PTPRA: variants seen among roughly 807,000 people sequenced by gnomAD.
PTPRA encodes the protein receptor-type tyrosine-protein phosphatase alpha.
In PTPRA, 25 loss-of-function variants were observed where a neutral mutation model predicts 104.8. That is an observed-to-expected ratio of 0.24 (90% CI 0.17 to 0.33). The LOEUF is 0.33. Ranked by LOEUF, PTPRA falls within the 10% of genes least tolerant of loss-of-function variation. PTPRA has a pLI of 1.00. For synonymous variants in PTPRA, 323 were observed against 368.9 expected, an observed-to-expected ratio of 0.88 and a Z score of 1.43; for missense variants, 765 against 1,015.3, an observed-to-expected ratio of 0.75 and a Z score of 3.35.
chr20:2,953,440 A>G (rs2061420864), intron 3 of PTPRA, among the ~76,000 whole-genome samples: 1 of 151,440 alleles, frequency 6.6e-6, no homozygotes, highest in African/African-American at 2.4e-5. Context: ...TTTTTAGTAG[A>G]GGTGGGGTTT....
chr20:2,871,589 G>A (rs1193105026), upstream of PTPRA, among the ~76,000 whole-genome samples: 1 of 152,206 alleles, frequency 6.6e-6, no homozygotes, highest in Non-Finnish European at 1.5e-5. Flanking sequence ...AAAGTAAGCT[G>A]GTGGGGTTTG....
At chr20:2,920,900 A>C (rs1214090945) in intron 1 of PTPRA, among the ~76,000 whole-genome samples, 1 of 152,180 alleles carries the variant, frequency 6.6e-6, no homozygotes, top group South Asian at 2.1e-4. Flanking sequence ...ACTCAGAAAG[A>C]AAGCCTGGAA....
At chr20:3,012,176 T>G (rs913686675) in intron 11 of PTPRA, among the ~76,000 whole-genome samples, 1 of 152,228 alleles carries the variant, frequency 6.6e-6, no homozygotes. Flanking sequence ...GATGAATTTA[T>G]CTAGGCCGTG....
intron 6 of PTPRA, among the ~76,000 whole-genome samples, chr20:2,979,700 G>GT (rs1341018182): frequency 6.6e-6 from 1 of 151,684 alleles, no homozygotes; most frequent in Non-Finnish European, 1.5e-5. Context: ...CTAATCAGGT[G>GT]TTTGTTTGTT....
At chr20:2,910,001 T>C (rs2059595919) in intron 1 of PTPRA, among the ~76,000 whole-genome samples, 3 of 64,324 alleles carry the variant, frequency 4.7e-5, no homozygotes, top group South Asian at 1.3e-3. Context: ...ATATATAATC[T>C]ATCATATATC....
At chr20:2,866,400 A>G in the PTPRA span, 5 of 1,613,970 alleles carry the variant, frequency 3.1e-6, no homozygotes, top group Middle Eastern at 3.3e-4. Context: ...AGCAGCCCCA[A>G]CACCACCTCC....
intron 1 of PTPRA, among the ~76,000 whole-genome samples, chr20:2,908,551 C>T (rs1156847720): frequency 2.0e-5 from 3 of 152,044 alleles, no homozygotes; most frequent in African/African-American, 7.2e-5. Context: ...AAATGCTTCC[C>T]TATCTTGTCT....
intron 7 of PTPRA, among the ~76,000 whole-genome samples, chr20:2,987,271 C>T (rs1170223850): frequency 1.3e-5 from 2 of 151,860 alleles, no homozygotes; most frequent in Non-Finnish European, 2.9e-5. Context: ...GGGCTTTGTC[C>T]CCAGACCCTT....
intron 20 of PTPRA, among the ~76,000 whole-genome samples, chr20:3,033,004 C>T (rs2065582973): frequency 6.6e-6 from 1 of 151,876 alleles, no homozygotes; most frequent in African/African-American, 2.4e-5. Flanking sequence ...TCACCCCACT[C>T]ACTAACCTGG....
intron 2 of PTPRA, among the ~76,000 whole-genome samples, chr20:2,935,966 C>T (rs1402875150): frequency 6.6e-6 from 1 of 151,804 alleles, no homozygotes; most frequent in African/African-American, 2.4e-5. Context: ...TTGCAGTAAG[C>T]CAAGATCTCG....
At chr20:2,988,566 T>C in intron 9 of PTPRA, 92 bp downstream of exon 9, 1 of 1,517,556 alleles carries the variant, frequency 6.6e-7, no homozygotes. Flanking sequence ...AAGTAAAAAA[T>C]GGGCTTTTAA....
At chr20:3,025,209 C>T (rs2065072125) in intron 17 of PTPRA, among the ~76,000 whole-genome samples, 1 of 152,150 alleles carries the variant, frequency 6.6e-6, no homozygotes, top group South Asian at 2.1e-4. Context: ...AATCACAGCA[C>T]TTTGGGAGGC....
chr20:2,939,018 T>G (rs1323460132), intron 2 of PTPRA, among the ~76,000 whole-genome samples: 2 of 152,318 alleles, frequency 1.3e-5, no homozygotes, highest in Admixed American at 1.3e-4. Context: ...ATTTTTATAT[T>G]TAACAGTCAA....
chr20:2,867,454 T>C, the PTPRA span, among the ~76,000 whole-genome samples: 1 of 152,104 alleles, frequency 6.6e-6, no homozygotes, highest in African/African-American at 2.4e-5. Flanking sequence ...CGCGGGGCCC[T>C]CTGCTCTCTC....
At chr20:2,904,530 A>G (rs1247616052) in intron 1 of PTPRA, among the ~76,000 whole-genome samples, 1 of 151,902 alleles carries the variant, frequency 6.6e-6, no homozygotes. Flanking sequence ...TTAGCCGGGC[A>G]TGGTAGCGGA....
rs2064610597 is a variant in PTPRA, at chr20:3,018,701, G to A, written c.1041+788G>A. Among the ~76,000 whole-genome samples the A allele has an allele frequency of 3.3e-5, 5 of 150,588 alleles. No homozygotes were observed. The South Asian group carries it at 6.4e-4, about 19-fold the overall frequency. ...TCCCCCCTTTCTATTCCACAAAACC[G>A]CCATTGTCATCATGGCCCGTTCTCA... On this transcript the variant is annotated intron_variant, in intron 13 of 23. Transcript: ENST00000399903.
At position 3,022,171 on chromosome 20, in the gene PTPRA, G is replaced by A. The variant is rs1363347436; in HGVS notation, c.1279G>A (p.Val427Met). ...PIGMLKFLKK[V>M]KACNPQYAGA... is the part of the protein sequence containing the mutation. ...CGGCATGCTCAAGTTCCTCAAGAAG[G>A]TGAAGGCCTGTAACCCTCAGTATGC... Residue 427 changes from valine to methionine, a missense_variant, in exon 15 of 24, where the codon GTG becomes ATG. By Grantham distance (21) the Val-to-Met change is conservative (BLOSUM62 1). Around this residue, in one of 4 missense-constraint regions of PTPRA, gnomAD observed 245 missense variants for 398.7 expected, o/e 0.61. Transcript: ENST00000399903. The surrounding 1 kb of genome is among the most constrained non-coding windows in gnomAD (Gnocchi z 4.6). The A allele has an allele frequency of 2.5e-6, 4 of 1,614,114 alleles. No individual in the cohort carries two copies. Among genetic ancestry groups the A allele is most frequent in the Non-Finnish European group, 3.4e-6 (4 of 1,180,046 alleles).
intron 5 of PTPRA, among the ~76,000 whole-genome samples, chr20:2,973,159 A>T (rs982697663): frequency 2.6e-5 from 4 of 151,696 alleles, no homozygotes; most frequent in African/African-American, 9.7e-5. Flanking sequence ...AGGCTGAATA[A>T]CCATTTATTT....
At chr20:2,990,709 C>A (rs2063135576) in intron 9 of PTPRA, among the ~76,000 whole-genome samples, 1 of 152,036 alleles carries the variant, frequency 6.6e-6, no homozygotes, top group South Asian at 2.1e-4. Flanking sequence ...CCAGCCTGGA[C>A]AACAGAGCCA....
Sources: gnomAD v4.1 joint callset for allele counts (sites outside exome capture counted in the v4.1 genomes callset) on GRCh38, gnomAD v4.1.1 for gene constraint, gnomAD v4.1.1 regional missense constraint, Gnocchi (gnomAD v3.1) non-coding constraint, MANE v1.5 for transcripts, NCBI Gene and HGNC (gene_info 2026-07-23, HGNC 2026-07-21) for gene names.